Variants in RNF169 observed in about 807,000 individuals in gnomAD.
The protein encoded by RNF169 is E3 ubiquitin-protein ligase RNF169.
RNF169 carries 24 observed loss-of-function variants against 53.9 expected under a neutral mutation model. The observed-to-expected ratio is 0.45, with a 90% CI of 0.32 to 0.63. RNF169 has a LOEUF of 0.63. Among genes scored for constraint, RNF169 ranks in the 20% least tolerant of loss-of-function variants. The pLI is 0.04. For synonymous variants in RNF169, 396 were observed against 363.5 expected (o/e 1.09, Z -1.02); for missense variants, 883 against 906.2 (o/e 0.97, Z 0.33).
At chr11:74,811,205 C>T (rs1006030403) in intron 3 of RNF169, among the ~76,000 whole-genome samples, 5 of 151,832 alleles carry the variant, frequency 3.3e-5, no homozygotes, top group Admixed American at 2.0e-4. Context: ...TTGTACACTT[C>T]GGCCAAGTTA....
chr11:74,834,905 G>A (rs915314207), intron 5 of RNF169, 130 bp downstream of exon 5: 3 of 584,804 alleles, frequency 5.1e-6, no homozygotes, highest in African/African-American at 3.7e-5. Flanking sequence ...TTATATTGGA[G>A]AAGTCCACAA....
At chr11:74,763,598 A>G (rs1245012353) in intron 1 of RNF169, among the ~76,000 whole-genome samples, 2 of 152,236 alleles carry the variant, frequency 1.3e-5, no homozygotes, top group Non-Finnish European at 2.9e-5. Context: ...ACACAGATGA[A>G]GAGAGATTAG....
rs1464785656 is a variant in RNF169, at chr11:74,839,554, A to T, written c.*2824A>T. The T allele has an allele frequency of 6.6e-6, 1 of 152,222 alleles. No individual in the cohort carries two copies. Among genetic ancestry groups the T allele is most frequent in the Non-Finnish European group, 1.5e-5 (1 of 68,040 alleles). 9.4% of individuals were successfully genotyped at this position (152,222 alleles called of 1,614,324 possible). On this transcript the variant is annotated 3_prime_UTR_variant, in exon 6 of 6. Transcript: ENST00000299563. ...GGATTTCACAAAACAAATTCCTCAC[A>T]AATCATTGAAGCCCAGTTCACCATA...
In RNF169 at chr11:74,788,559, A is replaced by AT. The variant is rs1258525308; in HGVS notation, c.503-1060dup. Among the ~76,000 whole-genome samples, 6 of 151,710 alleles carry AT rather than the reference A, an allele frequency of 4.0e-5. No homozygotes were observed. The South Asian group carries it at 8.4e-4, about 21-fold the overall frequency. ...AGGTGCCCACCACCACACCCAGCTA[A>AT]TTTTTTTGTATTTTTAGTAGAGATG... On this transcript the variant is annotated intron_variant, in intron 1 of 5. Coordinates refer to ENST00000299563, the MANE Select transcript of RNF169 (RefSeq NM_001098638.2).
At chr11:74,778,266 T>C (rs1026489493) in intron 1 of RNF169, among the ~76,000 whole-genome samples, 20 of 152,224 alleles carry the variant, frequency 1.3e-4, no homozygotes, top group African/African-American at 4.3e-4. Context: ...GTACCTCCCT[T>C]CTTCCTCATT....
At chr11:74,807,571 A>T (rs966101714) in intron 2 of RNF169, among the ~76,000 whole-genome samples, 15 of 152,206 alleles carry the variant, frequency 9.9e-5, no homozygotes, top group African/African-American at 3.6e-4. Context: ...TTTAAAATCC[A>T]GGCTCTTCAG....
At chr11:74,774,232 G>A (rs998662524) in intron 1 of RNF169, among the ~76,000 whole-genome samples, 2 of 151,836 alleles carry the variant, frequency 1.3e-5, no homozygotes, top group South Asian at 4.2e-4. Flanking sequence ...TGTAATCCCG[G>A]CTGCTCAGGA....
intron 4 of RNF169, among the ~76,000 whole-genome samples, chr11:74,827,235 C>G (rs978067974): frequency 2.6e-5 from 4 of 152,210 alleles, no homozygotes; most frequent in African/African-American, 9.7e-5. Flanking sequence ...GCTTGGGGCT[C>G]GTACTCTCTG....
In RNF169 at chr11:74,836,363, TCAAAA is replaced by T; in HGVS notation, c.1765_1769del (p.Thr589AlafsTer10). 1.9e-6 allele frequency: 3 copies of T among 1,614,170 alleles called. No homozygotes were observed. Among genetic ancestry groups the T allele is most frequent in the Non-Finnish European group, 2.5e-6 (3 of 1,179,998 alleles). On this transcript the variant is annotated frameshift_variant, in exon 6 of 6. Coordinates refer to ENST00000299563, the MANE Select transcript of RNF169 (RefSeq NM_001098638.2). LOFTEE classifies it high-confidence loss of function. ...CAAAACAGTGTTTTGGGTGGAGTCC[TCAAAA>T]CAAAGCAACAATTGAAGACATTAAA...
At chr11:74,763,671 G>A (rs752527537) in intron 1 of RNF169, among the ~76,000 whole-genome samples, 6 of 151,882 alleles carry the variant, frequency 4.0e-5, no homozygotes, top group Non-Finnish European at 8.8e-5. Flanking sequence ...TATGAAAGAA[G>A]GTGAAGAAAA....
At chr11:74,797,431 A>G (rs2035665394) in intron 2 of RNF169, among the ~76,000 whole-genome samples, 1 of 152,212 alleles carries the variant, frequency 6.6e-6, no homozygotes, top group Admixed American at 6.5e-5. Context: ...AGTTTAAAAT[A>G]TGTTGTTATA....
intron 1 of RNF169, among the ~76,000 whole-genome samples, chr11:74,787,143 T>A (rs1039275038): frequency 2.0e-5 from 3 of 152,194 alleles, no homozygotes; most frequent in Non-Finnish European, 2.9e-5. Context: ...TATTGTATCT[T>A]GGCCTAAAGG....
intron 5 of RNF169, 135 bp downstream of exon 5, chr11:74,834,910 C>T (rs2036230740): frequency 1.8e-6 from 1 of 567,732 alleles, no homozygotes. Context: ...TTGGAGAAGT[C>T]CACAAACAGA....
intron 1 of RNF169, among the ~76,000 whole-genome samples, chr11:74,751,287 G>T (rs979082843): frequency 6.6e-6 from 1 of 152,118 alleles, no homozygotes; most frequent in Non-Finnish European, 1.5e-5. Context: ...ATGAAAACCC[G>T]ATTCTATCCT....
At chr11:74,767,884 C>G (rs1331252444) in intron 1 of RNF169, among the ~76,000 whole-genome samples, 2 of 152,050 alleles carry the variant, frequency 1.3e-5, no homozygotes, top group African/African-American at 4.8e-5. Flanking sequence ...CAGTATGTTG[C>G]CAGGGCAGGT....
chr11:74,834,869 A>C (rs920027073), intron 5 of RNF169, 94 bp downstream of exon 5: 24 of 771,350 alleles, frequency 3.1e-5, no homozygotes, highest in Admixed American at 2.3e-4. Context: ...AGAAGAGAAG[A>C]AGCAGAATGA....
intron 1 of RNF169, among the ~76,000 whole-genome samples, chr11:74,785,230 A>G (rs572333948): frequency 1.2e-3 from 95 of 76,848 alleles, no homozygotes; most frequent in East Asian, 5.4e-3. Context: ...TGTTATATAT[A>G]TTATATATAT....
intron 3 of RNF169, among the ~76,000 whole-genome samples, chr11:74,814,148 C>G (rs966396805): frequency 6.6e-6 from 1 of 151,784 alleles, no homozygotes; most frequent in African/African-American, 2.4e-5. Context: ...TGGCAAAACC[C>G]CTTCTCTAAT....
In RNF169 at chr11:74,836,423, T is replaced by G; in HGVS notation, c.1820T>G (p.Val607Gly). The G allele has an allele frequency of 6.2e-7, 1 of 1,614,214 alleles. No homozygotes were observed. Among genetic ancestry groups the G allele is most frequent in the Non-Finnish European group, 8.5e-7 (1 of 1,180,036 alleles). ...TTTGATCTGACTAATGGTGTTCTAG[T>G]TGAGAGCCTAAGTGAAGAGCCACTT... ...NHFDLTNGVL[V>G]ESLSEEPLPS... Residue 607 changes from valine to glycine, a missense_variant, in exon 6 of 6, where the codon GTT becomes GGT. Coordinates refer to ENST00000299563, the MANE Select transcript of RNF169 (RefSeq NM_001098638.2).
Sources: gnomAD v4.1 joint callset for allele counts (sites outside exome capture counted in the v4.1 genomes callset) on GRCh38, gnomAD v4.1.1 for gene constraint, MANE v1.5 for transcripts, NCBI Gene and HGNC (gene_info 2026-07-23, HGNC 2026-07-21) for gene names.